The following WIZ variants were observed in gnomAD, a reference collection of about 807,000 sequenced individuals.
WIZ encodes protein Wiz.
A neutral mutation model predicts 140.2 loss-of-function variants in WIZ; 25 were observed. The ratio of observed to expected loss-of-function variants is 0.18; its 90% CI spans 0.13 to 0.25. The LOEUF (loss-of-function observed/expected upper bound fraction) is 0.25, where lower values mean the gene tolerates loss of function less well. WIZ is among the 10% of genes least tolerant of loss of function. The pLI is 1.00. For missense variants in WIZ, 2,231 were observed against 2,632.6 expected, an observed-to-expected ratio of 0.85 and a Z score of 3.34; for synonymous variants, 1,125 against 1,154.3, an observed-to-expected ratio of 0.97 and a Z score of 0.51.
Position 15,428,879 on chromosome 19 carries a change from G to A in WIZ, c.3416-371C>T, listed in dbSNP as rs552332069. 1.1e-4 allele frequency among the ~76,000 whole-genome samples: 16 copies of A among 152,308 alleles called. No homozygotes were observed. In the South Asian group the frequency reaches 3.3e-3, roughly 32 times the overall value. On this transcript the variant is annotated intron_variant, in intron 7 of 12. Transcript: ENST00000673675. The surrounding 1 kb of genome is among the most constrained non-coding windows in gnomAD (Gnocchi z 6.4). ...TCAAGGCCCTGCCCCTGGAAGCACG[G>A]CAGACTCAGTGGAAGCAACTTCAAG...
intron 9 of WIZ, among the ~76,000 whole-genome samples, chr19:15,426,491 CA>C (rs1232260888): frequency 6.6e-6 from 1 of 152,208 alleles, no homozygotes; most frequent in Non-Finnish European, 1.5e-5. Flanking sequence ...TGCTGATCTC[CA>C]TCTTCCAAAT....
Position 15,439,712 on chromosome 19 carries a change from G to A in WIZ, c.1282C>T (p.Pro428Ser), listed in dbSNP as rs1969659136. The A allele has an allele frequency of 6.7e-7, 1 of 1,488,562 alleles. No individual in the cohort carries two copies. The highest frequency in any genetic ancestry group is 2.4e-5 in the Admixed American group (1 of 41,790). The allele number at this position is 1,488,562 out of a possible 1,614,324, so 92.2% of individuals were successfully genotyped here. A position where few individuals can be genotyped will look rare whatever the true frequency, so the allele number is the denominator to read the frequency against. The change falls in exon 4 of 13, where the codon CCA (proline) becomes TCA (serine). Residue 428 changes from proline (P) to serine (S), a missense_variant. Physicochemically the swap from Pro to Ser is moderately conservative, Grantham distance 74. Around this residue, in one of 15 missense-constraint regions of WIZ, gnomAD observed 475 missense variants for 520.2 expected, o/e 0.91. Coordinates refer to ENST00000673675, the MANE Select transcript of WIZ (RefSeq NM_001371589.1). The surrounding 1 kb of genome is among the most constrained non-coding windows in gnomAD (Gnocchi z 7.0). ...AAAGGCTCTTTGGTGGTCTGGCCTG[G>A]GGGCTCACGCATGTGCAGCTTGGCA... ...QHAKLHMREPPGQTTKEPFGG... is the reference protein window; with the variant it reads ...QHAKLHMREPSGQTTKEPFGG...
At position 15,439,551 on chromosome 19, in the gene WIZ, C is replaced by T. The variant is rs902985038; in HGVS notation, c.1443G>A (p.Glu481=). 1 of 1,510,146 alleles carries T rather than the reference C, an allele frequency of 6.6e-7. No individual in the cohort carries two copies. The highest frequency in any genetic ancestry group is 8.8e-7 in the Non-Finnish European group (1 of 1,133,532). The allele number at this position is 1,510,146 out of a possible 1,614,324, so 93.5% of individuals were successfully genotyped here. The change falls in exon 4 of 13, where the codon GAG becomes GAA. Residue 481 remains glutamate (E), a synonymous_variant. Coordinates refer to ENST00000673675, the MANE Select transcript of WIZ (RefSeq NM_001371589.1). The surrounding 1 kb of genome is among the most constrained non-coding windows in gnomAD (Gnocchi z 7.0). ...FPAPSESLLR[E]HVRLVHAHPH... The stretch of plus-strand genomic sequence containing the variant: ...GATGGGCATGCACCAGCCTCACGTG[C>T]TCCCTGAGCAGGCTCTCGCTGGGCG...
At chr19:15,444,820 G>A (rs1394951392) in intron 2 of WIZ, among the ~76,000 whole-genome samples, 1 of 152,232 alleles carries the variant, frequency 6.6e-6, no homozygotes, top group Non-Finnish European at 1.5e-5. Context: ...GGGTCTGAGG[G>A]TCCCGGGCAT....
chr19:15,444,740 T>C (rs1325528556), intron 2 of WIZ, among the ~76,000 whole-genome samples: 4 of 152,080 alleles, frequency 2.6e-5, no homozygotes, highest in African/African-American at 2.4e-5. Context: ...ATGTGAGTCA[T>C]AGATTTGACT....
intron 9 of WIZ, 81 bp from the exon 10 acceptor site, chr19:15,425,849 GGGAGGAGGGAGGA>G (rs1968768957): frequency 1.1e-4 from 2 of 17,850 alleles, no homozygotes; most frequent in Non-Finnish European, 1.7e-4. Flanking sequence ...AGGAGGAGGA[GGGAGGAGGGAGGA>G]GGAGGAGGAG....
chr19:15,440,694 C>T lies in WIZ; in HGVS notation c.300G>A (p.Leu100=), dbSNP rs1969711585. The change falls in exon 4 of 13, where the codon CTG becomes CTA. Residue 100 remains leucine (L), a synonymous_variant. Coordinates refer to ENST00000673675, the MANE Select transcript of WIZ (RefSeq NM_001371589.1). This position sits in a 1 kb window ranked among gnomAD's most constrained non-coding sequence, Gnocchi z 6.2. Reference sequence around the variant, plus strand: ...GTGGTGGGGAGCCCGGCCGGAAGTCCAGGCTGCCTCCATCCCAGCAGCTGC... The same window carrying T: ...GTGGTGGGGAGCCCGGCCGGAAGTCTAGGCTGCCTCCATCCCAGCAGCTGC... The part of the protein sequence containing the change: ...ISSCCWDGGS[L]DFRPGSPPPH... 6.7e-7 allele frequency: 1 copy of T among 1,502,022 alleles called. No homozygotes were observed. Among genetic ancestry groups the T allele is most frequent in the Non-Finnish European group, 8.9e-7 (1 of 1,127,018 alleles). 93.0% of individuals were successfully genotyped at this position (1,502,022 alleles called of 1,614,324 possible). A position where few individuals can be genotyped will look rare whatever the true frequency, so the allele number is the denominator to read the frequency against.
intron 5 of WIZ, among the ~76,000 whole-genome samples, chr19:15,434,761 C>T (rs1458214887): frequency 1.3e-5 from 2 of 152,134 alleles, no homozygotes; most frequent in Non-Finnish European, 2.9e-5. Flanking sequence ...AGACTGGGCC[C>T]TTCACTTGTC....
In WIZ at chr19:15,424,724, C is replaced by T; in HGVS notation, c.5203G>A (p.Gly1735Arg). Residue 1735 changes from glycine (G) to arginine (R), a missense_variant, in exon 11 of 13, where the codon GGG (glycine) becomes AGG (arginine). Transcript: ENST00000673675. The surrounding 1 kb of genome is among the most constrained non-coding windows in gnomAD (Gnocchi z 9.7). ...CGGCCAGCCTCGGGCCCTGGCTCCCCTCCGGCACTGCGGCCGACCACGGCC... is the reference window on the plus strand; with the variant it reads ...CGGCCAGCCTCGGGCCCTGGCTCCCTTCCGGCACTGCGGCCGACCACGGCC... ...GLAVVGRSAG[G>R]EPGPEAGRAA... is the part of the protein sequence containing the mutation. 1.3e-6 allele frequency: 2 copies of T among 1,577,724 alleles called. No homozygotes were observed. The highest frequency in any genetic ancestry group is 1.7e-5 in the Admixed American group (1 of 57,288).
At chr19:15,431,581 T>G (rs1599677768) in intron 5 of WIZ, among the ~76,000 whole-genome samples, 1 of 152,032 alleles carries the variant, frequency 6.6e-6, no homozygotes, top group Non-Finnish European at 1.5e-5. Flanking sequence ...GTCAGGAGGC[T>G]GGAGAGGCCA....
In WIZ at chr19:15,424,589, G is replaced by A. The variant is rs371245697; in HGVS notation, c.5314+24C>T. 3.8e-5 allele frequency: 60 copies of A among 1,573,406 alleles called. No homozygotes were observed. The highest frequency in any genetic ancestry group is 5.0e-5 in the Non-Finnish European group (58 of 1,167,968). On this transcript the variant is annotated intron_variant, in intron 11 of 12. Coordinates refer to ENST00000673675, the MANE Select transcript of WIZ (RefSeq NM_001371589.1). The surrounding 1 kb of genome is among the most constrained non-coding windows in gnomAD (Gnocchi z 9.7). ...CCTGACAGGTGCCCGCTGCGCTCCC[G>A]ACCCTCCTCCACCAAGCACTCACTG...
At position 15,424,162 on chromosome 19, in the gene WIZ, C is replaced by G. The variant is rs375506680; in HGVS notation, c.5510+21G>C. On this transcript the variant is annotated intron_variant, in intron 12 of 12. Transcript: ENST00000673675. The surrounding 1 kb of genome is among the most constrained non-coding windows in gnomAD (Gnocchi z 9.7). ...AAGGTCCACTCAGGTGGTCTCCCTCCCTCCCCCAGGGGCAGCCTACCTGCA... is the reference window on the plus strand; with the variant it reads ...AAGGTCCACTCAGGTGGTCTCCCTCGCTCCCCCAGGGGCAGCCTACCTGCA... 1 of 1,483,982 alleles carries G rather than the reference C, an allele frequency of 6.7e-7. No individual in the cohort carries two copies. The highest frequency in any genetic ancestry group is 8.9e-7 in the Non-Finnish European group (1 of 1,117,558). The allele number at this position is 1,483,982 out of a possible 1,614,324, so 91.9% of individuals were successfully genotyped here. A position where few individuals can be genotyped will look rare whatever the true frequency, so the allele number is the denominator to read the frequency against.
At chr19:15,434,378 G>A (rs1428420388) in intron 5 of WIZ, among the ~76,000 whole-genome samples, 2 of 151,452 alleles carry the variant, frequency 1.3e-5, no homozygotes, top group African/African-American at 4.9e-5. Context: ...TGGCTAACAC[G>A]GTGAAACCCT....
intron 3 of WIZ, among the ~76,000 whole-genome samples, chr19:15,441,938 C>T (rs566346386): frequency 3.3e-3 from 500 of 152,146 alleles, no homozygotes; most frequent in Non-Finnish European, 4.9e-3. Context: ...TGTAATCCCA[C>T]CTCTTTGGGA....
rs1449497936 is a variant in WIZ at position 15,440,160 on chromosome 19, C to T, written c.834G>A (p.Gln278=). The stretch of plus-strand genomic sequence containing the variant: ...CGGTCCGGATCGGGGGCAGTAGCGG[C>T]TGCAGCCGCTCCACAGAAGCCTCCG... ...VNSEASVERL[Q]PLLPPIRTGP... is the part of the protein sequence containing the mutation. Residue 278 remains glutamine, a synonymous_variant, in exon 4 of 13, where the codon CAG becomes CAA. Coordinates refer to ENST00000673675, the MANE Select transcript of WIZ (RefSeq NM_001371589.1). This position sits in a 1 kb window ranked among gnomAD's most constrained non-coding sequence, Gnocchi z 6.2. 6.5e-7 allele frequency: 1 copy of T among 1,532,176 alleles called. No individual in the cohort carries two copies. 94.9% of individuals were successfully genotyped at this position (1,532,176 alleles called of 1,614,324 possible).
chr19:15,424,306 T>G lies in WIZ; in HGVS notation c.5387A>C (p.Gln1796Pro), dbSNP rs1267542527. Residue 1796 changes from glutamine to proline, a missense_variant, in exon 12 of 13, where the codon CAG (glutamine) becomes CCG (proline). Around this residue, in one of 15 missense-constraint regions of WIZ, gnomAD observed 299 missense variants for 309.6 expected, o/e 0.97. Transcript: ENST00000673675. This position sits in a 1 kb window ranked among gnomAD's most constrained non-coding sequence, Gnocchi z 9.7. The part of the protein sequence containing the change: ...ARGGEDTNDL[Q>P]QKLEEVRQPP... ...TTGCCGCACCTCCTCCAGCTTCTGC[T>G]GTAGGTCATTGGTGTCCTCGCCTCC... is the stretch of plus-strand genomic sequence containing the variant. 6.2e-7 allele frequency: 1 copy of G among 1,601,512 alleles called. No homozygotes were observed. Among genetic ancestry groups the G allele is most frequent in the Non-Finnish European group, 8.5e-7 (1 of 1,176,138 alleles).
At chr19:15,444,673 G>A (rs1295227530) in intron 2 of WIZ, among the ~76,000 whole-genome samples, 3 of 152,322 alleles carry the variant, frequency 2.0e-5, no homozygotes, top group African/African-American at 4.8e-5. Context: ...TGGAGAGGGC[G>A]TTCAGAGTTG....
In WIZ at chr19:15,422,751, T is replaced by G; in HGVS notation, c.*325A>C. ...TGGCCACGGATGGCAGACATCGCCCTGCCTGGCTGCTAGACGGGGGAGTGC... is the reference window on the plus strand; with the variant it reads ...TGGCCACGGATGGCAGACATCGCCCGGCCTGGCTGCTAGACGGGGGAGTGC... On this transcript the variant is annotated 3_prime_UTR_variant, in exon 13 of 13. Transcript: ENST00000673675. 2.5e-6 allele frequency: 1 copy of G among 395,702 alleles called. No homozygotes were observed. Among genetic ancestry groups the G allele is most frequent in the East Asian group, 4.5e-5 (1 of 22,386 alleles). 24.5% of individuals were successfully genotyped at this position (395,702 alleles called of 1,614,324 possible).
Position 15,431,268 on chromosome 19 carries a change from T to C in WIZ, c.2741-86A>G. ...AAGAAGATGGCCTTCTTCCTTATCCTTGATGTCCGCTCTCACTCTGCGAAG... is the reference window on the plus strand; with the variant it reads ...AAGAAGATGGCCTTCTTCCTTATCCCTGATGTCCGCTCTCACTCTGCGAAG... On this transcript the variant is annotated intron_variant, in intron 5 of 12. Transcript: ENST00000673675. 3 of 1,396,234 alleles carry C rather than the reference T, an allele frequency of 2.1e-6. No individual in the cohort carries two copies. The Admixed American group carries it at 8.5e-5, about 40-fold the overall frequency. 86.5% of individuals were successfully genotyped at this position (1,396,234 alleles called of 1,614,324 possible). A position where few individuals can be genotyped will look rare whatever the true frequency, so the allele number is the denominator to read the frequency against.
Sources: gnomAD v4.1 joint callset for allele counts (sites outside exome capture counted in the v4.1 genomes callset) on GRCh38, gnomAD v4.1.1 for gene constraint, gnomAD v4.1.1 regional missense constraint, Gnocchi (gnomAD v3.1) non-coding constraint, MANE v1.5 for transcripts, NCBI Gene and HGNC (gene_info 2026-07-23, HGNC 2026-07-21) for gene names.